ANXA11: variants seen among roughly 807,000 people sequenced by gnomAD.
ANXA11 encodes 56 kDa autoantigen.
A neutral mutation model predicts 64.7 loss-of-function variants in ANXA11; 57 were observed. That is an observed-to-expected ratio of 0.88 (90% CI 0.71 to 1.10). The LOEUF (loss-of-function observed/expected upper bound fraction) is 1.10. ANXA11 is among the 50% of genes least tolerant of loss of function. ANXA11 has a pLI of 0.00. For missense variants in ANXA11, 675 were observed against 670.7 expected (o/e 1.01, Z -0.07); for synonymous variants, 260 against 265.2 (o/e 0.98, Z 0.19).
chr10:80,186,742 G>C (rs998070006), intron 1 of ANXA11, among the ~76,000 whole-genome samples: 1 of 152,196 alleles, frequency 6.6e-6, no homozygotes, highest in Non-Finnish European at 1.5e-5. Context: ...GCTGAGAAGG[G>C]GGATGGGGGC....
intron 7 of ANXA11, chr10:80,166,429 G>C (rs1845743766): frequency 3.8e-6 from 2 of 521,568 alleles, no homozygotes; most frequent in Non-Finnish European, 6.9e-6. Context: ...AGTTTGAGAA[G>C]CACTGGGCTA....
In ANXA11 at chr10:80,159,101, C is replaced by T; in HGVS notation, c.1275G>A (p.Val425=). 1 of 1,613,686 alleles carries T rather than the reference C, an allele frequency of 6.2e-7. No homozygotes were observed. The highest frequency in any genetic ancestry group is 1.7e-5 in the Admixed American group (1 of 60,012). Residue 425 remains valine, a splice_region_variant and synonymous_variant, in exon 13 of 16, where the codon GTG becomes GTA. Transcript: ENST00000422982. The stretch of plus-strand genomic sequence containing the variant: ...GGGCGGCAAACCTGAGACACTTACC[C>T]ACGGCCAGCATGCCCTCCTCCAGGT... ...SGDLEEGMLA[V]VKCLKNTPAF...
intron 11 of ANXA11, among the ~76,000 whole-genome samples, chr10:80,163,097 T>C (rs1045124772): frequency 1.3e-5 from 2 of 152,190 alleles, no homozygotes; most frequent in African/African-American, 4.8e-5. Flanking sequence ...TCCAAAACCA[T>C]GATCTATCAA....
chr10:80,152,004 T>C lies in ANXA11; in HGVS notation c.*3849A>G, dbSNP rs1389175279. Reference sequence around the variant, plus strand: ...ACAGGGTGAGCACTCCAAGGTTTCTTTCTTAAATTTTGCACCTGAGACAAA... The same window carrying C: ...ACAGGGTGAGCACTCCAAGGTTTCTCTCTTAAATTTTGCACCTGAGACAAA... On this transcript the variant is annotated 3_prime_UTR_variant, in exon 16 of 16. Coordinates refer to ENST00000422982, the MANE Select transcript of ANXA11 (RefSeq NM_145868.2). 1 of 152,220 alleles carries C rather than the reference T, an allele frequency of 6.6e-6. No homozygotes were observed. The highest frequency in any genetic ancestry group is 2.4e-5 in the African/African-American group (1 of 41,440). 9.4% of individuals were successfully genotyped at this position (152,220 alleles called of 1,614,324 possible). A position where few individuals can be genotyped will look rare whatever the true frequency, so the allele number is the denominator to read the frequency against.
rs772333853 is a variant in ANXA11, at chr10:80,162,013, C to G, written c.1102G>C (p.Gly368Arg). The change falls in exon 12 of 16, where the codon GGG becomes CGG. Residue 368 changes from glycine to arginine, a missense_variant. Gly to Arg is a moderately radical substitution (Grantham distance 125, BLOSUM62 -2). Coordinates refer to ENST00000422982, the MANE Select transcript of ANXA11 (RefSeq NM_145868.2). ...QRDAQELYAA[G>R]ENRLGTDESK... ...TCGTCTGTTCCCAGGCGGTTCTCCCCGGCCGCATACAGCTCCTGGAGAGAG... is the reference window on the plus strand; with the variant it reads ...TCGTCTGTTCCCAGGCGGTTCTCCCGGGCCGCATACAGCTCCTGGAGAGAG... The G allele has an allele frequency of 2.5e-6, 4 of 1,611,150 alleles. No individual in the cohort carries two copies. In the Admixed American group the frequency reaches 5.0e-5, roughly 20 times the overall value.
intron 1 of ANXA11, among the ~76,000 whole-genome samples, chr10:80,182,512 T>C (rs1409369667): frequency 6.6e-6 from 1 of 152,234 alleles, no homozygotes; most frequent in African/African-American, 2.4e-5. Context: ...TATGTGTTTA[T>C]ACATGCTCAG....
In ANXA11 at chr10:80,152,186, A is replaced by G. The variant is rs1440054408; in HGVS notation, c.*3667T>C. ...TTAGAAGTCAGACTAGATGTGTAGC[A>G]TGGACTGGCCTTGACTAACATATCC... is the stretch of plus-strand genomic sequence containing the variant. On this transcript the variant is annotated 3_prime_UTR_variant, in exon 16 of 16. Coordinates refer to ENST00000422982, the MANE Select transcript of ANXA11 (RefSeq NM_145868.2). The G allele has an allele frequency of 6.6e-6, 1 of 152,242 alleles. No homozygotes were observed. Among genetic ancestry groups the G allele is most frequent in the African/African-American group, 2.4e-5 (1 of 41,466 alleles). The allele number at this position is 152,242 out of a possible 1,614,324, so 9.4% of individuals were successfully genotyped here. A position where few individuals can be genotyped will look rare whatever the true frequency, so the allele number is the denominator to read the frequency against.
At position 80,155,858 on chromosome 10, in the gene ANXA11, C is replaced by G; in HGVS notation, c.1513G>C (p.Asp505His). The change falls in exon 16 of 16, where the codon GAC becomes CAC. Residue 505 changes from aspartate to histidine, a missense_variant. Transcript: ENST00000422982. ...AGTGAGCCACCAGTCACTGTTCAGT[C>G]ATTGCCACCACAGATCTTCAGCAGA... is the stretch of plus-strand genomic sequence containing the variant. ...KILLKICGGN[D>H] 1 of 1,614,198 alleles carries G rather than the reference C, an allele frequency of 6.2e-7. No individual in the cohort carries two copies. Among genetic ancestry groups the G allele is most frequent in the African/African-American group, 1.3e-5 (1 of 75,074 alleles).
intron 1 of ANXA11, among the ~76,000 whole-genome samples, chr10:80,202,728 C>T (rs1485405294): frequency 6.6e-6 from 1 of 152,070 alleles, no homozygotes; most frequent in Non-Finnish European, 1.5e-5. Flanking sequence ...CTGCTTCAGG[C>T]TTACGGGGGA....
At position 80,153,988 on chromosome 10, in the gene ANXA11, A is replaced by T. The variant is rs1165438926; in HGVS notation, c.*1865T>A. ...GGTCTCGCTCTGTTGTCCAGGCTGG[A>T]GTGCAGTGGTGTAATCACAGCTTAC... is the stretch of plus-strand genomic sequence containing the variant. On this transcript the variant is annotated 3_prime_UTR_variant, in exon 16 of 16. Transcript: ENST00000422982. 1.3e-5 allele frequency: 2 copies of T among 152,080 alleles called. No homozygotes were observed. The highest frequency in any genetic ancestry group is 4.8e-5 in the African/African-American group (2 of 41,370). 9.4% of individuals were successfully genotyped at this position (152,080 alleles called of 1,614,324 possible).
intron 1 of ANXA11, chr10:80,180,796 G>A (rs1407170613): frequency 6.6e-6 from 1 of 152,124 alleles, no homozygotes; most frequent in African/African-American, 2.4e-5. Context: ...TTCATGTGCT[G>A]CAAACTTAAT....
At chr10:80,198,064 C>T (rs1840253407) in intron 1 of ANXA11, among the ~76,000 whole-genome samples, 1 of 152,202 alleles carries the variant, frequency 6.6e-6, no homozygotes, top group South Asian at 2.1e-4. Context: ...AGATGACTCT[C>T]GGGGCATCAG....
chr10:80,178,093 G>A (rs936742259), intron 1 of ANXA11, among the ~76,000 whole-genome samples: 20 of 152,150 alleles, frequency 1.3e-4, no homozygotes, highest in African/African-American at 4.6e-4. Flanking sequence ...GGCACCCCAG[G>A]GCTGCCATAT....
chr10:80,186,789 C>T lies in ANXA11; in HGVS notation c.-57-10634G>A, dbSNP rs529537378. Among the ~76,000 whole-genome samples, 33 of 152,286 alleles carry T rather than the reference C, an allele frequency of 2.2e-4. 1 individual carries two copies. In the South Asian group the frequency reaches 6.6e-3, roughly 31 times the overall value. On this transcript the variant is annotated intron_variant, in intron 1 of 15. Coordinates refer to ENST00000422982, the MANE Select transcript of ANXA11 (RefSeq NM_145868.2). ...AACTCACTTTCCATACAACGCAGAC[C>T]GAGAGCACACAGCGTCACACGCAGA...
chr10:80,205,687 T>C (rs1424193176), upstream of ANXA11: 3 of 152,106 alleles, frequency 2.0e-5, no homozygotes, highest in Non-Finnish European at 2.9e-5. Flanking sequence ...AGTCTCGGGC[T>C]CCGGAGGTCC....
chr10:80,158,094 A>T (rs1489705501), intron 13 of ANXA11, 69 bp from the exon 14 acceptor site: 2 of 1,458,176 alleles, frequency 1.4e-6, no homozygotes, highest in African/African-American at 2.8e-5. Context: ...CATGGAGTCT[A>T]CAAGTGTCCT....
chr10:80,194,285 G>T (rs561264513), intron 1 of ANXA11, among the ~76,000 whole-genome samples: 1 of 152,198 alleles, frequency 6.6e-6, no homozygotes, highest in South Asian at 2.1e-4. Flanking sequence ...CCCTCCCACG[G>T]CCCCTCACTA....
chr10:80,178,209 T>TGCTC (rs1198048261), intron 1 of ANXA11, among the ~76,000 whole-genome samples: 5 of 128,534 alleles, frequency 3.9e-5, no homozygotes, highest in Non-Finnish European at 8.0e-5. Context: ...CCAGAAGATC[T>TGCTC]GCTCTCTCTC....
chr10:80,165,822 G>A (rs545891871), intron 8 of ANXA11, among the ~76,000 whole-genome samples: 1 of 152,152 alleles, frequency 6.6e-6, no homozygotes, highest in Non-Finnish European at 1.5e-5. Context: ...CTTTAAGATG[G>A]AGAGAGACTT....
Sources: allele counts gnomAD v4.1 joint callset (sites outside exome capture counted in the v4.1 genomes callset), GRCh38; gene constraint gnomAD v4.1.1; transcripts MANE v1.5; gene names NCBI Gene and HGNC (gene_info 2026-07-23, HGNC 2026-07-21).